Variants in SOCS2 observed in about 807,000 individuals in gnomAD.
SOCS2 encodes CIS-2.
A neutral mutation model predicts 18.6 loss-of-function variants in SOCS2; 10 were observed. That is an observed-to-expected ratio of 0.54 (90% CI 0.33 to 0.91). The LOEUF (loss-of-function observed/expected upper bound fraction) is 0.91, where lower values mean the gene tolerates loss of function less well. SOCS2 is among the 40% of genes least tolerant of loss of function. SOCS2 has a pLI of 0.02. For missense variants in SOCS2, 231 were observed against 247.2 expected (o/e 0.93, Z 0.44); for synonymous variants, 104 against 104.0 (o/e 1.00, Z 0.00).
downstream of SOCS2, among the ~76,000 whole-genome samples, chr12:93,581,583 T>C (rs1036927503): frequency 1.3e-5 from 2 of 152,212 alleles, no homozygotes; most frequent in African/African-American, 4.8e-5. Flanking sequence ...CATCATGTGA[T>C]CATTGTTTAC....
At chr12:93,593,479 T>C in the SOCS2 span, among the ~76,000 whole-genome samples, 1 of 152,180 alleles carries the variant, frequency 6.6e-6, no homozygotes, top group Non-Finnish European at 1.5e-5. Context: ...TAAATTAAAA[T>C]CAAATTTTAA....
At chr12:93,605,274 A>G in the SOCS2 span, among the ~76,000 whole-genome samples, 17 of 152,226 alleles carry the variant, frequency 1.1e-4, no homozygotes, top group South Asian at 2.1e-4. Flanking sequence ...TACACACACT[A>G]TATAACTAAC....
At chr12:93,625,067 C>T in the SOCS2 span, among the ~76,000 whole-genome samples, 1 of 152,220 alleles carries the variant, frequency 6.6e-6, no homozygotes, top group Non-Finnish European at 1.5e-5. Flanking sequence ...TTTTCCCCAT[C>T]TCTGAGATTT....
the SOCS2 span, among the ~76,000 whole-genome samples, chr12:93,604,527 T>C: frequency 6.6e-6 from 1 of 152,204 alleles, no homozygotes; most frequent in East Asian, 1.9e-4. Flanking sequence ...CTAAACTCAA[T>C]GTTTTAAGAA....
downstream of SOCS2, among the ~76,000 whole-genome samples, chr12:93,586,563 G>A (rs538081697): frequency 2.6e-5 from 4 of 152,226 alleles, no homozygotes; most frequent in South Asian, 2.1e-4. Flanking sequence ...TCTGTATAAC[G>A]AAAATACCAG....
At chr12:93,598,146 C>T in the SOCS2 span, among the ~76,000 whole-genome samples, 2 of 152,024 alleles carry the variant, frequency 1.3e-5, no homozygotes, top group Non-Finnish European at 2.9e-5. Flanking sequence ...GGCAGGGCAC[C>T]GAGGAAACAC....
the SOCS2 span, among the ~76,000 whole-genome samples, chr12:93,616,206 T>C: frequency 6.6e-6 from 1 of 152,208 alleles, no homozygotes; most frequent in African/African-American, 2.4e-5. Context: ...GAGACATGAT[T>C]TCAGGACATT....
the SOCS2 span, among the ~76,000 whole-genome samples, chr12:93,605,543 G>A: frequency 6.6e-6 from 1 of 152,200 alleles, no homozygotes; most frequent in African/African-American, 2.4e-5. Context: ...AGCATATGGT[G>A]AGACAGTTTG....
chr12:93,618,470 A>G, the SOCS2 span, among the ~76,000 whole-genome samples: 1 of 152,078 alleles, frequency 6.6e-6, no homozygotes, highest in East Asian at 1.9e-4. Flanking sequence ...CACTGTGTCC[A>G]TCCTTGACCA....
At position 93,574,951 on chromosome 12, in the gene SOCS2, T is replaced by G; in HGVS notation, c.369T>G (p.Val123=). 1 of 1,614,176 alleles carries G rather than the reference T, an allele frequency of 6.2e-7. No homozygotes were observed. ...KSKLKQFDSV[V]HLIDYYVQMC... ...AGCTTAAACAATTTGACAGTGTGGTTCATCTGATCGACTACTATGTTCAGA... is the reference window on the plus strand; with the variant it reads ...AGCTTAAACAATTTGACAGTGTGGTGCATCTGATCGACTACTATGTTCAGA... Residue 123 remains valine (V), a synonymous_variant, in exon 2 of 2, where the codon GTT becomes GTG. Transcript: ENST00000551556.
chr12:93,575,354 C>A lies in SOCS2; in HGVS notation c.*175C>A. 1 of 440,674 alleles carries A rather than the reference C, an allele frequency of 2.3e-6. No individual in the cohort carries two copies. The allele number at this position is 440,674 out of a possible 1,614,324, so 27.3% of individuals were successfully genotyped here. A position where few individuals can be genotyped will look rare whatever the true frequency, so the allele number is the denominator to read the frequency against. On this transcript the variant is annotated 3_prime_UTR_variant, in exon 2 of 2. Transcript: ENST00000551556. ...AGAGGTAGCTAGGTGTTTAAAGTTC[C>A]TCCAGATACTTTTACCTGAGTGATG... is the stretch of plus-strand genomic sequence containing the variant.
downstream of SOCS2, among the ~76,000 whole-genome samples, chr12:93,586,950 T>C (rs1954587984): frequency 3.3e-5 from 5 of 152,030 alleles, no homozygotes; most frequent in Admixed American, 3.3e-4. Flanking sequence ...GGTGGATCAC[T>C]TGAGGCCAGG....
chr12:93,620,172 A>G, the SOCS2 span, among the ~76,000 whole-genome samples: 1 of 152,222 alleles, frequency 6.6e-6, no homozygotes, highest in Non-Finnish European at 1.5e-5. Flanking sequence ...AATCACTTAA[A>G]TGATACATTT....
downstream of SOCS2, among the ~76,000 whole-genome samples, chr12:93,578,106 G>A (rs796751628): frequency 4.5e-4 from 68 of 152,274 alleles, no homozygotes; most frequent in African/African-American, 1.6e-3. Flanking sequence ...AGTGGTGATT[G>A]CTTTTTAGGG....
chr12:93,607,027 A>C, the SOCS2 span, among the ~76,000 whole-genome samples: 1 of 152,208 alleles, frequency 6.6e-6, no homozygotes, highest in Non-Finnish European at 1.5e-5. Flanking sequence ...GCCTAATCAG[A>C]ACTGGGGACC....
the SOCS2 span, among the ~76,000 whole-genome samples, chr12:93,614,597 TTCTTTCTTTCTTTCTTTCTTTCTTTC>T: frequency 8.5e-6 from 1 of 118,322 alleles, no homozygotes; most frequent in African/African-American, 3.7e-5. Flanking sequence ...CTTTCTTTCT[TTCTTTCTTTCTTTCTTTCTTTCTTTC>T]TTTCTTTCTT....
chr12:93,594,319 C>T, the SOCS2 span, among the ~76,000 whole-genome samples: 1 of 152,044 alleles, frequency 6.6e-6, no homozygotes, highest in African/African-American at 2.4e-5. Context: ...TCTGAGGCTC[C>T]TTTTCTTATT....
the SOCS2 span, among the ~76,000 whole-genome samples, chr12:93,614,595 CTTTCTTTCTTTCTTT>C: frequency 9.4e-6 from 1 of 106,380 alleles, no homozygotes; most frequent in African/African-American, 4.2e-5. Flanking sequence ...TTCTTTCTTT[CTTTCTTTCTTTCTTT>C]CTTTCTTTCT....
the SOCS2 span, among the ~76,000 whole-genome samples, chr12:93,597,193 G>A: frequency 3.3e-5 from 5 of 152,102 alleles, no homozygotes; most frequent in Admixed American, 2.6e-4. Flanking sequence ...GTAGATTGGC[G>A]TAACCACCAC....
Sources: gnomAD v4.1 joint callset for allele counts (sites outside exome capture counted in the v4.1 genomes callset) on GRCh38, gnomAD v4.1.1 for gene constraint, MANE v1.5 for transcripts, NCBI Gene and HGNC (gene_info 2026-07-23, HGNC 2026-07-21) for gene names.